PRDM1: variants seen among roughly 807,000 people sequenced by gnomAD.
PRDM1 encodes the protein PR domain zinc finger protein 1.
A neutral mutation model predicts 62.8 loss-of-function variants in PRDM1; 13 were observed. That is an observed-to-expected ratio of 0.21 (90% CI 0.13 to 0.33). The LOEUF is 0.33. PRDM1 is among the 10% of genes least tolerant of loss of function. The probability of loss-of-function intolerance (pLI) is 1.00; values close to 1 mark genes in which losing one functional copy is unlikely to be tolerated. For synonymous variants in PRDM1, 396 were observed against 417.6 expected (o/e 0.95, Z 0.63); for missense variants, 895 against 1,058.8 (o/e 0.85, Z 2.15).
At chr6:106,081,713 C>G (rs1272662884), upstream of PRDM1, among the ~76,000 whole-genome samples, 1 of 152,152 alleles carries the variant, frequency 6.6e-6, no homozygotes, top group Non-Finnish European at 1.5e-5. Flanking sequence ...TCTTGTTCTT[C>G]CCTTAGAAAG....
At chr6:106,021,900 G>A (rs748746073) in intron 1 of PRDM1, among the ~76,000 whole-genome samples, 4 of 152,216 alleles carry the variant, frequency 2.6e-5, no homozygotes, top group African/African-American at 4.8e-5. Flanking sequence ...GATTACAGGC[G>A]TGAGCCACCG....
At chr6:106,086,668 T>A (rs1773817527) in intron 1 of PRDM1, 73 bp downstream of exon 1, 1 of 1,355,420 alleles carries the variant, frequency 7.4e-7, no homozygotes, top group Non-Finnish European at 1.0e-6. Flanking sequence ...CCTTTATTGT[T>A]ATTATTATTA....
At chr6:106,029,701 G>A (rs1486118409) in intron 1 of PRDM1, among the ~76,000 whole-genome samples, 3 of 151,962 alleles carry the variant, frequency 2.0e-5, no homozygotes, top group African/African-American at 7.3e-5. Flanking sequence ...AACCTCTCCA[G>A]GCTCAGGTGA....
In PRDM1 at chr6:106,088,000, T is replaced by A. The variant is rs1319990545; in HGVS notation, c.43-201T>A. ...ACATTCTTTTTTTTTTTTTTTTTTT[T>A]AACTAAGAGTAGCATTTAAAAACCT... is the stretch of plus-strand genomic sequence containing the variant. On this transcript the variant is annotated intron_variant, in intron 1 of 6. Coordinates refer to ENST00000369096, the MANE Select transcript of PRDM1 (RefSeq NM_001198.4). 4.7e-5 allele frequency: 8 copies of A among 171,470 alleles called. No individual in the cohort carries two copies. In the East Asian group the frequency reaches 5.2e-4, roughly 11 times the overall value. The allele number at this position is 171,470 out of a possible 1,614,324, so 10.6% of individuals were successfully genotyped here.
At chr6:106,097,194 T>C (rs1582469343) in intron 3 of PRDM1, among the ~76,000 whole-genome samples, 1 of 152,378 alleles carries the variant, frequency 6.6e-6, no homozygotes, top group African/African-American at 2.4e-5. Context: ...TTTTTGCCTT[T>C]ATTGTCAATA....
At chr6:106,071,459 A>T (rs1773519376) in intron 1 of PRDM1, among the ~76,000 whole-genome samples, 1 of 152,186 alleles carries the variant, frequency 6.6e-6, no homozygotes, top group African/African-American at 2.4e-5. Context: ...CAGGAAGATA[A>T]CAATGCTGAT....
intron 1 of PRDM1, among the ~76,000 whole-genome samples, chr6:106,013,109 A>G (rs1166874357): frequency 2.0e-5 from 3 of 151,952 alleles, no homozygotes; most frequent in Admixed American, 6.6e-5. Context: ...CTGGTCTCGA[A>G]CTGTCCTCAA....
intron 3 of PRDM1, 80 bp from the exon 4 acceptor site, chr6:106,099,220 C>A (rs1774196170): frequency 6.2e-7 from 1 of 1,602,840 alleles, no homozygotes; most frequent in South Asian, 1.1e-5. Flanking sequence ...ACACACGGTA[C>A]CGGCTGTGTT....
At chr6:106,090,902 A>T (rs555140059) in intron 2 of PRDM1, among the ~76,000 whole-genome samples, 3 of 151,648 alleles carry the variant, frequency 2.0e-5, no homozygotes, top group Non-Finnish European at 4.4e-5. Flanking sequence ...TTTGGTTAAA[A>T]CAAAACATAC....
chr6:106,035,956 C>T (rs1156484856), intron 1 of PRDM1, among the ~76,000 whole-genome samples: 2 of 151,970 alleles, frequency 1.3e-5, no homozygotes, highest in Non-Finnish European at 2.9e-5. Context: ...TAAATAGAGA[C>T]AGGGTTTCAC....
intron 1 of PRDM1, among the ~76,000 whole-genome samples, chr6:106,078,005 A>G (rs1582453265): frequency 6.6e-6 from 1 of 152,300 alleles, no homozygotes; most frequent in East Asian, 1.9e-4. Flanking sequence ...TGGTATTTAT[A>G]CTAGTTAATG....
At chr6:106,086,197 AGCTCTCG>A (rs1020588146), upstream of PRDM1, 10 of 325,444 alleles carry the variant, frequency 3.1e-5, no homozygotes, top group Admixed American at 4.1e-4. Flanking sequence ...GAAGAGAGGA[AGCTCTCG>A]GCGGCTGTGC....
intron 4 of PRDM1, among the ~76,000 whole-genome samples, chr6:106,100,905 G>A (rs1489389462): frequency 3.3e-5 from 5 of 152,254 alleles, no homozygotes; most frequent in African/African-American, 1.2e-4. Flanking sequence ...TGACCAAAAA[G>A]GTGGCAGTTC....
chr6:106,047,568 AG>A (rs1316156689), upstream of PRDM1, among the ~76,000 whole-genome samples: 2 of 152,244 alleles, frequency 1.3e-5, no homozygotes, highest in Admixed American at 6.5e-5. Context: ...GGACCTAACC[AG>A]GGGAAAATGT....
chr6:106,098,900 G>A, intron 3 of PRDM1: 1 of 1,509,362 alleles, frequency 6.6e-7, no homozygotes, highest in South Asian at 1.3e-5. Flanking sequence ...TCTACCCAGT[G>A]ACTCAAAGCA....
chr6:106,085,272 G>A (rs907567713), upstream of PRDM1, among the ~76,000 whole-genome samples: 5 of 152,178 alleles, frequency 3.3e-5, no homozygotes, highest in South Asian at 1.0e-3. Context: ...AAGGAGAAAT[G>A]ATTTTAAAAA....
chr6:105,998,915 ATATATATATATATATATATTTTTTTTTTT>A (rs1466059351), intron 1 of PRDM1, among the ~76,000 whole-genome samples: 2 of 6,180 alleles, frequency 3.2e-4, no homozygotes. Flanking sequence ...ATATATATAT[ATATATATATATATATATATTTTTTTTTTT>A]TTTTTTCTTT....
At chr6:105,995,710 CTTTGAATGAAAGTTTTTTT>C (rs1772341221) in intron 1 of PRDM1, among the ~76,000 whole-genome samples, 2 of 151,742 alleles carry the variant, frequency 1.3e-5, no homozygotes, top group South Asian at 4.2e-4. Context: ...TTACATTGTC[CTTTGAATGAAAGTTTTTTT>C]TTTTTAATCA....
intron 1 of PRDM1, among the ~76,000 whole-genome samples, chr6:106,001,701 C>G (rs1057423938): frequency 9.9e-5 from 15 of 152,118 alleles, no homozygotes; most frequent in African/African-American, 3.4e-4. Context: ...ATTTGTTCCA[C>G]TATCCCTGTT....
Sources: allele counts gnomAD v4.1 joint callset (sites outside exome capture counted in the v4.1 genomes callset), GRCh38; gene constraint gnomAD v4.1.1; transcripts MANE v1.5; gene names NCBI Gene and HGNC (gene_info 2026-07-23, HGNC 2026-07-21).